Variants in ADGRL3 observed in about 807,000 individuals in gnomAD.
ADGRL3 encodes calcium-independent alpha-latrotoxin receptor 3.
In ADGRL3, 62 loss-of-function variants were observed where a neutral mutation model predicts 153.5. The ratio of observed to expected loss-of-function variants is 0.40; its 90% CI spans 0.33 to 0.50. The LOEUF (loss-of-function observed/expected upper bound fraction) is 0.50. Ranked by LOEUF, ADGRL3 falls within the 20% of genes least tolerant of loss-of-function variation. The pLI is 0.47. For missense variants in ADGRL3, 1,641 were observed against 1,859.4 expected (o/e 0.88, Z 2.16); for synonymous variants, 710 against 672.5 (o/e 1.06, Z -0.86).
intron 2 of ADGRL3, among the ~76,000 whole-genome samples, chr4:61,437,514 G>A (rs1190360915): frequency 2.0e-5 from 3 of 152,040 alleles, no homozygotes; most frequent in Non-Finnish European, 4.4e-5. Context: ...AGTTTTATAT[G>A]TGTGATTTCT....
At chr4:61,776,527 T>C (rs2097153405) in intron 8 of ADGRL3, among the ~76,000 whole-genome samples, 1 of 152,132 alleles carries the variant, frequency 6.6e-6, no homozygotes, top group Non-Finnish European at 1.5e-5. Context: ...TTTAGTATAA[T>C]CAAAATTATT....
chr4:61,435,226 G>A (rs2097429583), intron 2 of ADGRL3, among the ~76,000 whole-genome samples: 2 of 151,996 alleles, frequency 1.3e-5, no homozygotes, highest in South Asian at 4.1e-4. Flanking sequence ...TTTATTTTAT[G>A]CAAGATATGG....
At chr4:61,443,301 C>G (rs962673371) in intron 2 of ADGRL3, among the ~76,000 whole-genome samples, 1 of 152,042 alleles carries the variant, frequency 6.6e-6, no homozygotes, top group Non-Finnish European at 1.5e-5. Context: ...AACTCATGCT[C>G]TGAAGAATAT....
At chr4:61,506,220 G>A (rs1353102999) in intron 3 of ADGRL3, among the ~76,000 whole-genome samples, 1 of 151,906 alleles carries the variant, frequency 6.6e-6, no homozygotes, top group Non-Finnish European at 1.5e-5. Context: ...GTATAAAAAG[G>A]CCCTAATACA....
At chr4:61,238,443 GT>G (rs1753674684) in intron 1 of ADGRL3, among the ~76,000 whole-genome samples, 2 of 24,788 alleles carry the variant, frequency 8.1e-5, no homozygotes, top group Non-Finnish European at 2.7e-4. Context: ...CTAATGTGTG[GT>G]GTGTGTGTGT....
At chr4:61,921,690 G>T (rs191226497) in intron 13 of ADGRL3, among the ~76,000 whole-genome samples, 1 of 152,206 alleles carries the variant, frequency 6.6e-6, no homozygotes, top group Non-Finnish European at 1.5e-5. Flanking sequence ...ACAGGTGTGA[G>T]CCACCATGCC....
At position 61,775,913 on chromosome 4, in the gene ADGRL3, T is replaced by TTA. The variant is rs984649830; in HGVS notation, c.1400-37895_1400-37894insAT. On this transcript the variant is annotated intron_variant, in intron 8 of 26. Transcript: ENST00000683033. ...TTTATTTATTTATTTATTTATTTATTTTTTTGAGACGGAGTCTCACTCTGT... is the reference window on the plus strand; with the variant it reads ...TTTATTTATTTATTTATTTATTTATTTATTTTTGAGACGGAGTCTCACTCTGT... 6.5e-5 allele frequency: 14 copies of TTA among 214,264 alleles called. 2 individuals carry two copies. The highest frequency in any genetic ancestry group is 2.8e-4 in the African/African-American group (12 of 42,748). 13.3% of individuals were successfully genotyped at this position (214,264 alleles called of 1,614,324 possible).
intron 8 of ADGRL3, among the ~76,000 whole-genome samples, chr4:61,745,201 G>C (rs946513802): frequency 6.6e-6 from 1 of 152,150 alleles, no homozygotes; most frequent in Non-Finnish European, 1.5e-5. Context: ...AAGAAAAATG[G>C]GACTATGTGA....
At chr4:61,625,580 A>G (rs527825135) in intron 5 of ADGRL3, among the ~76,000 whole-genome samples, 65 of 152,170 alleles carry the variant, frequency 4.3e-4, no homozygotes, top group African/African-American at 1.5e-3. Flanking sequence ...TATTAATTTG[A>G]GTATTTTTGA....
chr4:61,611,742 G>C (rs1249209884), intron 5 of ADGRL3, among the ~76,000 whole-genome samples: 1 of 152,030 alleles, frequency 6.6e-6, no homozygotes, highest in African/African-American at 2.4e-5. Flanking sequence ...GTAATATAGT[G>C]AGACCTCATC....
At chr4:61,582,524 C>A (rs2098930144) in intron 4 of ADGRL3, among the ~76,000 whole-genome samples, 1 of 151,862 alleles carries the variant, frequency 6.6e-6, no homozygotes, top group Admixed American at 6.6e-5. Flanking sequence ...GATCTCATTC[C>A]TTTTTATGAT....
At chr4:61,736,084 C>G (rs1044114750) in intron 8 of ADGRL3, among the ~76,000 whole-genome samples, 20 of 151,918 alleles carry the variant, frequency 1.3e-4, no homozygotes, top group Non-Finnish European at 7.4e-5. Context: ...AATGTATAGT[C>G]ATATGTGTAT....
intron 2 of ADGRL3, among the ~76,000 whole-genome samples, chr4:61,401,076 T>TTA (rs2096925139): frequency 7.2e-6 from 1 of 138,400 alleles, no homozygotes; most frequent in East Asian, 2.1e-4. Flanking sequence ...TTTTTTTTTT[T>TTA]AAAAAAAAGA....
At chr4:61,234,271 C>T (rs575317071) in intron 1 of ADGRL3, among the ~76,000 whole-genome samples, 45 of 152,194 alleles carry the variant, frequency 3.0e-4, no homozygotes, top group Non-Finnish European at 2.5e-4. Context: ...GCACATCTTA[C>T]ATAGTGGTGG....
intron 2 of ADGRL3, among the ~76,000 whole-genome samples, chr4:61,461,154 T>C (rs1415910166): frequency 6.6e-6 from 1 of 152,090 alleles, no homozygotes; most frequent in Non-Finnish European, 1.5e-5. Context: ...ACTGCCTACA[T>C]GATTGAATTA....
chr4:61,570,962 C>A (rs937895500), intron 4 of ADGRL3, among the ~76,000 whole-genome samples: 3 of 151,512 alleles, frequency 2.0e-5, no homozygotes, highest in African/African-American at 4.9e-5. Flanking sequence ...TGGAAATAAC[C>A]GAGGCTGGAG....
chr4:62,029,414 GACACCTGTC>G (rs879944009), intron 22 of ADGRL3, among the ~76,000 whole-genome samples: 8 of 151,554 alleles, frequency 5.3e-5, no homozygotes, highest in Non-Finnish European at 8.9e-5. Flanking sequence ...TTTCAAATTT[GACACCTGTC>G]ACTTGATTAA....
chr4:61,229,740 C>T (rs1419681951), intron 1 of ADGRL3, among the ~76,000 whole-genome samples: 1 of 151,872 alleles, frequency 6.6e-6, no homozygotes, highest in African/African-American at 2.4e-5. Context: ...CCTAGCTCTA[C>T]AAAACATTTT....
chr4:61,528,031 G>C (rs769797787), intron 4 of ADGRL3, among the ~76,000 whole-genome samples: 6 of 152,086 alleles, frequency 3.9e-5, no homozygotes, highest in Non-Finnish European at 8.8e-5. Flanking sequence ...GTGTGAAGCA[G>C]TGTAATTTAG....
Sources: allele counts gnomAD v4.1 joint callset (sites outside exome capture counted in the v4.1 genomes callset), GRCh38; gene constraint gnomAD v4.1.1; transcripts MANE v1.5; gene names NCBI Gene and HGNC (gene_info 2026-07-23, HGNC 2026-07-21).